The following CSMD1 variants were observed in gnomAD, a reference collection of about 807,000 sequenced individuals.
CSMD1 encodes CUB and sushi domain-containing protein 1.
CSMD1 carries 213 observed loss-of-function variants against 417.5 expected under a neutral mutation model. That is an observed-to-expected ratio of 0.51 (90% CI 0.46 to 0.57). CSMD1 has a LOEUF of 0.57. Among genes scored for constraint, CSMD1 ranks in the 20% least tolerant of loss-of-function variants. The pLI is 0.00. For missense variants in CSMD1, 6,923 were observed against 4,529.7 expected, an observed-to-expected ratio of 1.53 and a Z score of -15.17; for synonymous variants, 2,862 against 1,736.8, an observed-to-expected ratio of 1.65 and a Z score of -16.11.
chr8:4,986,368 G>C (rs150487711), intron 1 of CSMD1, among the ~76,000 whole-genome samples: 1 of 152,310 alleles, frequency 6.6e-6, no homozygotes, highest in East Asian at 1.9e-4. Flanking sequence ...TCATTTGTTA[G>C]AGATCAATGA....
intron 27 of CSMD1, among the ~76,000 whole-genome samples, chr8:3,229,501 C>G (rs1290261141): frequency 1.3e-5 from 2 of 152,110 alleles, no homozygotes; most frequent in African/African-American, 4.8e-5. Context: ...CATTTGTTAT[C>G]CTTTTAATAA....
intron 25 of CSMD1, among the ~76,000 whole-genome samples, chr8:3,294,897 G>T (rs1173240835): frequency 6.6e-6 from 1 of 151,976 alleles, no homozygotes; most frequent in African/African-American, 2.4e-5. Flanking sequence ...TGGAGAAATC[G>T]CCCGTCTTCT....
chr8:3,883,453 C>A (rs2948645), intron 5 of CSMD1, among the ~76,000 whole-genome samples: 29,928 of 151,884 alleles, frequency 0.2, 3,199 homozygotes, highest in East Asian at 0.29. Context: ...TATGTATGCT[C>A]GTGTATAAGT....
At chr8:4,011,192 G>A (rs117063655) in intron 4 of CSMD1, among the ~76,000 whole-genome samples, 1 of 152,112 alleles carries the variant, frequency 6.6e-6, no homozygotes, top group East Asian at 1.9e-4. Context: ...TCTACCTAGT[G>A]GGTACACCTG....
intron 4 of CSMD1, among the ~76,000 whole-genome samples, chr8:4,015,023 T>C (rs1314166408): frequency 6.6e-6 from 1 of 152,194 alleles, no homozygotes; most frequent in Non-Finnish European, 1.5e-5. Flanking sequence ...TTTACTAGAA[T>C]CTAAGACTGA....
intron 5 of CSMD1, among the ~76,000 whole-genome samples, chr8:3,874,486 C>G (rs1805684411): frequency 6.6e-6 from 1 of 152,192 alleles, no homozygotes; most frequent in Admixed American, 6.5e-5. Context: ...TTACAGACTT[C>G]TTTTATGACG....
intron 12 of CSMD1, among the ~76,000 whole-genome samples, chr8:3,459,932 C>T (rs917890659): frequency 2.6e-5 from 4 of 152,100 alleles, no homozygotes; most frequent in African/African-American, 7.2e-5. Context: ...CATGATAATG[C>T]TACAAAAATC....
intron 1 of CSMD1, among the ~76,000 whole-genome samples, chr8:4,984,018 T>C (rs1811041484): frequency 6.6e-6 from 1 of 152,186 alleles, no homozygotes; most frequent in Non-Finnish European, 1.5e-5. Context: ...TTGAAAAGAC[T>C]GATTATGGAG....
At chr8:4,712,329 C>T (rs186891394) in intron 1 of CSMD1, among the ~76,000 whole-genome samples, 547 of 152,280 alleles carry the variant, frequency 3.6e-3, no homozygotes, top group Non-Finnish European at 6.6e-3. Context: ...CTTCCAACCA[C>T]GCATTTCCAG....
At chr8:4,535,972 G>T (rs189797748) in intron 2 of CSMD1, among the ~76,000 whole-genome samples, 1 of 150,996 alleles carries the variant, frequency 6.6e-6, no homozygotes, top group Admixed American at 6.7e-5. Flanking sequence ...GTAATTATTT[G>T]TTTTATCTTA....
chr8:4,526,622 A>G (rs1207281323), intron 2 of CSMD1, among the ~76,000 whole-genome samples: 1 of 152,192 alleles, frequency 6.6e-6, no homozygotes, highest in Non-Finnish European at 1.5e-5. Flanking sequence ...ACTTGACATC[A>G]CTCTTGGGAA....
chr8:4,946,103 C>G (rs939022936), intron 1 of CSMD1, among the ~76,000 whole-genome samples: 2 of 152,246 alleles, frequency 1.3e-5, no homozygotes, highest in African/African-American at 4.8e-5. Context: ...CCAGCTGTCT[C>G]TACGTGGCTC....
intron 26 of CSMD1, among the ~76,000 whole-genome samples, chr8:3,262,445 T>G (rs1411712735): frequency 6.6e-6 from 1 of 151,008 alleles, no homozygotes; most frequent in East Asian, 1.9e-4. Context: ...CTTGGAATAA[T>G]AATAAATACT....
chr8:4,706,575 C>G (rs1239100504), intron 1 of CSMD1, among the ~76,000 whole-genome samples: 1 of 152,218 alleles, frequency 6.6e-6, no homozygotes, highest in East Asian at 1.9e-4. Context: ...CAACTTATGC[C>G]ATGTTTAAAT....
chr8:3,329,179 T>C (rs1585007742), intron 23 of CSMD1, among the ~76,000 whole-genome samples: 3 of 152,190 alleles, frequency 2.0e-5, no homozygotes, highest in South Asian at 2.1e-4. Context: ...CAAGAGGGCA[T>C]TGAAAAATGA....
chr8:4,331,943 T>C (rs1563063998), intron 3 of CSMD1, among the ~76,000 whole-genome samples: 1 of 152,180 alleles, frequency 6.6e-6, no homozygotes, highest in Non-Finnish European at 1.5e-5. Context: ...TCCATGACCA[T>C]GGCATTGGAA....
At chr8:3,255,583 C>T (rs1800591006) in intron 26 of CSMD1, among the ~76,000 whole-genome samples, 1 of 152,220 alleles carries the variant, frequency 6.6e-6, no homozygotes. Context: ...GCCCCTCTCC[C>T]AGCCTTGCTG....
At chr8:4,008,663 T>C (rs188440690) in intron 4 of CSMD1, among the ~76,000 whole-genome samples, 1 of 136,274 alleles carries the variant, frequency 7.3e-6, no homozygotes, top group East Asian at 2.3e-4. Context: ...CAGGCTGGAG[T>C]GCAGTGGTGC....
intron 10 of CSMD1, among the ~76,000 whole-genome samples, chr8:3,546,476 T>G (rs918428698): frequency 3.3e-5 from 5 of 151,052 alleles, no homozygotes; most frequent in Non-Finnish European, 7.4e-5. Context: ...TCGGAGCTTG[T>G]GGTGAGTCAA....
Sources: allele counts gnomAD v4.1 joint callset (sites outside exome capture counted in the v4.1 genomes callset), GRCh38; gene constraint gnomAD v4.1.1; transcripts MANE v1.5; gene names NCBI Gene and HGNC (gene_info 2026-07-23, HGNC 2026-07-21).